The following DSG4 variants were observed in gnomAD, a reference collection of about 807,000 sequenced individuals.
The protein encoded by DSG4 is desmoglein 4.
Under a neutral mutation model 93.1 loss-of-function variants are expected in DSG4, and 87 were observed. The observed-to-expected ratio is 0.93, with a 90% CI of 0.79 to 1.12. The LOEUF (loss-of-function observed/expected upper bound fraction) is 1.12. Ranked by LOEUF, DSG4 falls within the 50% of genes most tolerant of loss-of-function variation. The pLI is 0.00. For synonymous variants in DSG4, 432 were observed against 452.9 expected (o/e 0.95, Z 0.59); for missense variants, 1,373 against 1,285.7 (o/e 1.07, Z -1.04).
At chr18:31,389,666 A>G (rs1051823491) in intron 5 of DSG4, among the ~76,000 whole-genome samples, 3 of 152,096 alleles carry the variant, frequency 2.0e-5, no homozygotes, top group Non-Finnish European at 2.9e-5. Context: ...TTGATTTTAC[A>G]TACAGCACAT....
In DSG4 at chr18:31,388,907, G is replaced by GATTT; in HGVS notation, c.408_411dup (p.Glu138PhefsTer6). 6.2e-7 allele frequency: 1 copy of GATTT among 1,613,618 alleles called. No homozygotes were observed. The highest frequency in any genetic ancestry group is 8.5e-7 in the Non-Finnish European group (1 of 1,179,664). On this transcript the variant is annotated frameshift_variant, in exon 5 of 16. Transcript: ENST00000308128. LOFTEE classifies it high-confidence loss of function. ...CCGGGCTCTGAATTCACGGGGTGAAGATTTAGAAAGGCCTCTTGAGCTTAG... is the reference window on the plus strand; with the variant it reads ...CCGGGCTCTGAATTCACGGGGTGAAGATTTATTTAGAAAGGCCTCTTGAGCTTAG...
At chr18:31,385,977 A>G (rs1443675110) in intron 2 of DSG4, among the ~76,000 whole-genome samples, 2 of 152,168 alleles carry the variant, frequency 1.3e-5, no homozygotes, top group Non-Finnish European at 2.9e-5. Flanking sequence ...ATGTAGTGAC[A>G]TTTCTAATCT....
intron 10 of DSG4, among the ~76,000 whole-genome samples, chr18:31,401,892 T>TA (rs1161053142): frequency 6.6e-6 from 1 of 152,190 alleles, no homozygotes; most frequent in Non-Finnish European, 1.5e-5. Flanking sequence ...GAAACCATGA[T>TA]AAAACCAAAC....
chr18:31,398,788 T>TA (rs960480953), intron 8 of DSG4, among the ~76,000 whole-genome samples: 3 of 151,492 alleles, frequency 2.0e-5, no homozygotes, highest in African/African-American at 2.4e-5. Flanking sequence ...TGTACACCAT[T>TA]AAAAAAAAAT....
At chr18:31,397,581 A>T (rs2072319136) in intron 8 of DSG4, among the ~76,000 whole-genome samples, 1 of 152,152 alleles carries the variant, frequency 6.6e-6, no homozygotes, top group Admixed American at 6.6e-5. Context: ...TTCCTAGATT[A>T]TGTGAAGATC....
In DSG4 at chr18:31,409,499, G is replaced by A. The variant is rs2072462008; in HGVS notation, c.1981G>A (p.Glu661Lys). The change falls in exon 13 of 16, where the codon GAA (glutamate) becomes AAA (lysine). Residue 661 changes from glutamate to lysine, a missense_variant. By Grantham distance (56) the Glu-to-Lys change is moderately conservative. Transcript: ENST00000308128. Reference sequence around the variant, plus strand: ...GTGTTGCTGCAAACAGAGACAGCCAGAAGGCCTGGGAACAAGATTTGCTCC... The same window carrying A: ...GTGTTGCTGCAAACAGAGACAGCCAAAAGGCCTGGGAACAAGATTTGCTCC... The part of the protein sequence containing the change: ...LLCCCKQRQP[E>K]GLGTRFAPVP... The A allele has an allele frequency of 6.2e-7, 1 of 1,614,184 alleles. No homozygotes were observed. The highest frequency in any genetic ancestry group is 8.5e-7 in the Non-Finnish European group (1 of 1,180,050).
chr18:31,385,076 G>T, intron 1 of DSG4, 60 bp from the exon 2 acceptor site: 2 of 1,355,610 alleles, frequency 1.5e-6, no homozygotes, highest in South Asian at 2.5e-5. Flanking sequence ...ATGTTTTTAT[G>T]ACATGGCTTC....
rs1279794999 is a variant in DSG4, at chr18:31,388,932, G to C, written c.431G>C (p.Arg144Thr). Residue 144 changes from arginine (R) to threonine (T), a missense_variant, in exon 5 of 16, where the codon AGA becomes ACA. Arg to Thr is a moderately conservative substitution (Grantham distance 71, BLOSUM62 -1). Coordinates refer to ENST00000308128, the MANE Select transcript of DSG4 (RefSeq NM_177986.5). ...GATTTAGAAAGGCCTCTTGAGCTTA[G>C]AGTCAAAGTTATGGACATAAATGAT... Reference protein sequence around the residue: ...GEDLERPLELRVKVMDINDNA... With the variant: ...GEDLERPLELTVKVMDINDNA... 3 of 1,613,630 alleles carry C rather than the reference G, an allele frequency of 1.9e-6. No homozygotes were observed. The highest frequency in any genetic ancestry group is 2.5e-6 in the Non-Finnish European group (3 of 1,179,676).
chr18:31,411,191 G>A, intron 14 of DSG4, 40 bp from the exon 15 acceptor site: 1 of 1,614,260 alleles, frequency 6.2e-7, no homozygotes, highest in Non-Finnish European at 8.5e-7. Context: ...CGCGCTGCAG[G>A]CAACTCCAGC....
At position 31,413,216 on chromosome 18, in the gene DSG4, A is replaced by G; in HGVS notation, c.2744A>G (p.Asp915Gly). Residue 915 changes from aspartate to glycine, a missense_variant, in exon 16 of 16, where the codon GAT (aspartate) becomes GGT (glycine). Coordinates refer to ENST00000308128, the MANE Select transcript of DSG4 (RefSeq NM_177986.5). ...IIVTETYGNA[D>G]PCVQPTTIIF... Reference sequence around the variant, plus strand: ...GTGACTGAGACTTACGGTAATGCTGATCCATGTGTGCAACCCACTACAATT... The same window carrying G: ...GTGACTGAGACTTACGGTAATGCTGGTCCATGTGTGCAACCCACTACAATT... 1 of 1,614,136 alleles carries G rather than the reference A, an allele frequency of 6.2e-7. No individual in the cohort carries two copies. The highest frequency in any genetic ancestry group is 8.5e-7 in the Non-Finnish European group (1 of 1,180,030).
At position 31,376,960 on chromosome 18, in the gene DSG4, G is replaced by GT. The variant is rs773848129; in HGVS notation, c.48+2dup. The GT allele has an allele frequency of 6.2e-7, 1 of 1,613,242 alleles. No individual in the cohort carries two copies. The highest frequency in any genetic ancestry group is 2.2e-5 in the East Asian group (1 of 44,808). Reference sequence around the variant, plus strand: ...CATTTGCCTTTTGATCATTCTAATGGTAAGTAGAATTTAAAGAGGTGGGAA... The same window carrying GT: ...CATTTGCCTTTTGATCATTCTAATGGTTAAGTAGAATTTAAAGAGGTGGGAA... On this transcript the variant is annotated splice_donor_variant, in intron 1 of 15. Coordinates refer to ENST00000308128, the MANE Select transcript of DSG4 (RefSeq NM_177986.5). LOFTEE classifies it high-confidence loss of function.
chr18:31,390,625 A>G, intron 5 of DSG4, 31 bp from the exon 6 acceptor site: 1 of 1,612,594 alleles, frequency 6.2e-7, no homozygotes, highest in South Asian at 1.1e-5. Flanking sequence ...TAAGAGTCCC[A>G]ACCATTCTCC....
intron 8 of DSG4, among the ~76,000 whole-genome samples, chr18:31,397,473 A>G (rs138725232): frequency 1.3e-3 from 191 of 152,256 alleles, no homozygotes; most frequent in African/African-American, 4.5e-3. Flanking sequence ...AATCCTGACT[A>G]AAGGGCCCCA....
chr18:31,391,859 TAAAAG>T (rs1158494857), intron 7 of DSG4, among the ~76,000 whole-genome samples: 1 of 151,652 alleles, frequency 6.6e-6, no homozygotes, highest in African/African-American at 2.4e-5. Context: ...GTCCTCTATC[TAAAAG>T]AAAAGAATAA....
chr18:31,390,730 A>T lies in DSG4; in HGVS notation c.592A>T (p.Ile198Phe), dbSNP rs2072238330. ...TCTGAATTCTAAAATTGCCTACAAG[A>T]TCGTCTCTCAGGAGCCATCAGGTGC... ...NHLNSKIAYKIVSQEPSGAPM... is the reference protein window; with the variant it reads ...NHLNSKIAYKFVSQEPSGAPM... Residue 198 changes from isoleucine to phenylalanine, a missense_variant, in exon 6 of 16, where the codon ATC (isoleucine) becomes TTC (phenylalanine). Ile to Phe is a conservative substitution (Grantham distance 21, BLOSUM62 0). Coordinates refer to ENST00000308128, the MANE Select transcript of DSG4 (RefSeq NM_177986.5). 3.1e-6 allele frequency: 5 copies of T among 1,613,868 alleles called. No individual in the cohort carries two copies. Among genetic ancestry groups the T allele is most frequent in the Non-Finnish European group, 4.2e-6 (5 of 1,179,814 alleles).
rs1008236177 is a variant in DSG4 at position 31,405,930 on chromosome 18, TA to T, written c.1637-139del. On this transcript the variant is annotated intron_variant, in intron 11 of 15. Transcript: ENST00000308128. ...TAATAATAATAAATTAAATAAATGT[TA>T]AAAAAAAGTACAAGGTGCTTTATGA... 264 of 616,348 alleles carry T rather than the reference TA, an allele frequency of 4.3e-4. 1 individual carries two copies. In the South Asian group the frequency reaches 4.5e-3, roughly 11 times the overall value. 38.2% of individuals were successfully genotyped at this position (616,348 alleles called of 1,614,324 possible). A position where few individuals can be genotyped will look rare whatever the true frequency, so the allele number is the denominator to read the frequency against.
chr18:31,414,541 G>T lies in DSG4; in HGVS notation c.*946G>T, dbSNP rs943348860. The T allele has an allele frequency of 3.3e-5, 5 of 152,104 alleles. No individual in the cohort carries two copies. The highest frequency in any genetic ancestry group is 1.2e-4 in the African/African-American group (5 of 41,426). 9.4% of individuals were successfully genotyped at this position (152,104 alleles called of 1,614,324 possible). On this transcript the variant is annotated 3_prime_UTR_variant, in exon 16 of 16. Coordinates refer to ENST00000308128, the MANE Select transcript of DSG4 (RefSeq NM_177986.5). ...CAACTAGGTGTTGGGTGCTAGTCTT[G>T]GCTCTGTGAATATACAGGTAAAGAA...
intron 1 of DSG4, among the ~76,000 whole-genome samples, chr18:31,384,819 C>T (rs1360160675): frequency 6.6e-6 from 1 of 152,122 alleles, no homozygotes; most frequent in African/African-American, 2.4e-5. Flanking sequence ...TCTGCAGAGC[C>T]CTTTCAAATC....
intron 12 of DSG4, among the ~76,000 whole-genome samples, chr18:31,406,954 T>C (rs1223655759): frequency 6.6e-6 from 1 of 152,042 alleles, no homozygotes; most frequent in African/African-American, 2.4e-5. Context: ...ATTTTTGTAC[T>C]TTTAGTAGAG....
Sources: gnomAD v4.1 joint callset for allele counts (sites outside exome capture counted in the v4.1 genomes callset) on GRCh38, gnomAD v4.1.1 for gene constraint, MANE v1.5 for transcripts, NCBI Gene and HGNC (gene_info 2026-07-23, HGNC 2026-07-21) for gene names.